LRP1B: variants seen among roughly 807,000 people sequenced by gnomAD.
LRP1B encodes the protein LDL receptor related protein 1B.
A neutral mutation model predicts 556.6 loss-of-function variants in LRP1B; 217 were observed. The observed-to-expected ratio is 0.39, with a 90% confidence interval of 0.35 to 0.44. The LOEUF (loss-of-function observed/expected upper bound fraction) is 0.44. Among genes scored for constraint, LRP1B ranks in the 20% least tolerant of loss-of-function variants. The pLI is 1.00. For synonymous variants in LRP1B, 2,047 were observed against 1,865.8 expected, an observed-to-expected ratio of 1.10 and a Z score of -2.50; for missense variants, 5,053 against 5,620.8, an observed-to-expected ratio of 0.90 and a Z score of 3.23.
intron 7 of LRP1B, among the ~76,000 whole-genome samples, chr2:141,085,973 G>T (rs190729729): frequency 4.9e-4 from 74 of 152,276 alleles, no homozygotes; most frequent in Admixed American, 2.8e-3. Flanking sequence ...ATCGTGGTTA[G>T]ATTTGGGTTA....
chr2:140,800,763 A>C (rs1220918582), intron 32 of LRP1B, among the ~76,000 whole-genome samples: 1 of 152,130 alleles, frequency 6.6e-6, no homozygotes, highest in Non-Finnish European at 1.5e-5. Context: ...CTATGAAAAC[A>C]GACACAATCC....
At chr2:140,663,895 C>T (rs6708333) in intron 41 of LRP1B, among the ~76,000 whole-genome samples, 110,550 of 151,984 alleles carry the variant, frequency 0.73, 42,312 homozygotes, top group Non-Finnish European at 0.86. Flanking sequence ...ACTCTTTTCT[C>T]TTCTTTTTTT....
intron 35 of LRP1B, among the ~76,000 whole-genome samples, chr2:140,721,427 A>G (rs1415539432): frequency 6.6e-6 from 1 of 151,382 alleles, no homozygotes; most frequent in Non-Finnish European, 1.5e-5. Flanking sequence ...TAAAAAAATT[A>G]TATGTTATAC....
intron 7 of LRP1B, among the ~76,000 whole-genome samples, chr2:141,153,053 C>G (rs1284997978): frequency 6.7e-6 from 1 of 149,670 alleles, no homozygotes; most frequent in East Asian, 2.0e-4. Context: ...TCTTTAAGAA[C>G]CACCTTAAAT....
At chr2:141,672,578 T>C (rs766123564) in intron 2 of LRP1B, among the ~76,000 whole-genome samples, 9 of 152,106 alleles carry the variant, frequency 5.9e-5, no homozygotes, top group Non-Finnish European at 1.0e-4. Context: ...TGTAATCTGG[T>C]TTGCAAAAAC....
intron 46 of LRP1B, 127 bp from the exon 47 acceptor site, chr2:140,534,267 T>C (rs1433072508): frequency 9.0e-6 from 8 of 886,736 alleles, no homozygotes; most frequent in South Asian, 7.2e-5. Flanking sequence ...TGCTGTGCCA[T>C]ATAATAGCTC....
intron 6 of LRP1B, among the ~76,000 whole-genome samples, chr2:141,217,126 A>C (rs186598578): frequency 1.3e-5 from 2 of 152,144 alleles, no homozygotes; most frequent in Non-Finnish European, 2.9e-5. Context: ...GTTAAATTGT[A>C]ATCTCCAACG....
chr2:140,825,896 G>T (rs182419964), intron 31 of LRP1B, among the ~76,000 whole-genome samples: 2 of 152,172 alleles, frequency 1.3e-5, no homozygotes, highest in Non-Finnish European at 1.5e-5. Flanking sequence ...GTGATACCCA[G>T]TCATTCAATC....
At chr2:141,108,701 T>C (rs1003407366) in intron 7 of LRP1B, among the ~76,000 whole-genome samples, 1 of 152,028 alleles carries the variant, frequency 6.6e-6, no homozygotes, top group Non-Finnish European at 1.5e-5. Context: ...CAAACCTAGG[T>C]CAGTCTAATA....
At chr2:140,525,711 T>G in intron 49 of LRP1B, 133 bp downstream of exon 49, 1 of 738,090 alleles carries the variant, frequency 1.4e-6, no homozygotes, top group Non-Finnish European at 2.2e-6. Flanking sequence ...TAATTACATT[T>G]CAGTCTGTGC....
chr2:141,836,830 AT>A (rs1383084672), intron 1 of LRP1B, among the ~76,000 whole-genome samples: 20 of 152,020 alleles, frequency 1.3e-4, no homozygotes, highest in Non-Finnish European at 2.4e-4. Context: ...TTTTGGTCTT[AT>A]TTAAAAATAA....
chr2:140,748,355 TAATA>T (rs1339460972), intron 35 of LRP1B, among the ~76,000 whole-genome samples: 103 of 85,854 alleles, frequency 1.2e-3, no homozygotes, highest in African/African-American at 4.2e-3. Context: ...TATTCATATA[TAATA>T]TATATTTATA....
At chr2:140,694,077 T>C (rs922724482) in intron 41 of LRP1B, among the ~76,000 whole-genome samples, 2 of 152,184 alleles carry the variant, frequency 1.3e-5, no homozygotes, top group Non-Finnish European at 2.9e-5. Context: ...AATATTTGCT[T>C]TTTTTAAAAA....
At chr2:140,920,011 T>C (rs1301634841) in intron 21 of LRP1B, among the ~76,000 whole-genome samples, 2 of 152,076 alleles carry the variant, frequency 1.3e-5, no homozygotes, top group African/African-American at 4.8e-5. Flanking sequence ...TACTTTTCTT[T>C]ACACGAATTT....
At chr2:140,380,262 C>T (rs1683412586) in intron 67 of LRP1B, among the ~76,000 whole-genome samples, 1 of 152,046 alleles carries the variant, frequency 6.6e-6, no homozygotes, top group South Asian at 2.1e-4. Context: ...GTACTTTTTC[C>T]TAGTAGGCTG....
chr2:141,621,707 C>T (rs186751689), intron 2 of LRP1B, among the ~76,000 whole-genome samples: 16 of 152,162 alleles, frequency 1.1e-4, no homozygotes, highest in Admixed American at 1.3e-4. Context: ...AATAGTCTCT[C>T]CCGCAATTTT....
chr2:141,275,553 T>C (rs901006380), intron 3 of LRP1B, among the ~76,000 whole-genome samples: 4 of 151,906 alleles, frequency 2.6e-5, no homozygotes, highest in Non-Finnish European at 5.9e-5. Flanking sequence ...TACAAAAAAA[T>C]ACAAAAATCA....
intron 6 of LRP1B, among the ~76,000 whole-genome samples, chr2:141,225,566 T>C (rs1002810262): frequency 3.9e-5 from 6 of 152,162 alleles, no homozygotes; most frequent in Non-Finnish European, 5.9e-5. Context: ...TATGAATACT[T>C]TTTTAAAAAA....
rs1051748039 is a variant in LRP1B at position 140,708,628 on chromosome 2, TAAAC to T, written c.6024-6079_6024-6076del. Among the ~76,000 whole-genome samples the T allele has an allele frequency of 2.0e-5, 3 of 151,800 alleles. No individual in the cohort carries two copies. The Admixed American group carries it at 2.0e-4, about 10-fold the overall frequency. Reference sequence around the variant, plus strand: ...CTGCCTCATTGCCCATCCTCTCACTTAAACAAACACTTAACATATACATGTACAT... The same window carrying T: ...CTGCCTCATTGCCCATCCTCTCACTTAAACACTTAACATATACATGTACAT... On this transcript the variant is annotated intron_variant, in intron 37 of 90. Transcript: ENST00000389484.
Sources: gnomAD v4.1 joint callset for allele counts (sites outside exome capture counted in the v4.1 genomes callset) on GRCh38, gnomAD v4.1.1 for gene constraint, MANE v1.5 for transcripts, NCBI Gene and HGNC (gene_info 2026-07-23, HGNC 2026-07-21) for gene names.